The following TEKT5 variants were observed in gnomAD, a reference collection of about 807,000 sequenced individuals.
TEKT5 encodes tektin 5, also known as tektin-5.
A neutral mutation model predicts 48.7 loss-of-function variants in TEKT5; 52 were observed. That is an observed-to-expected ratio of 1.07 (90% CI 0.86 to 1.35). The LOEUF is 1.35. Ranked by LOEUF, TEKT5 falls within the 40% of genes most tolerant of loss-of-function variation. TEKT5 has a pLI of 0.00. For synonymous variants in TEKT5, 318 were observed against 267.6 expected, an observed-to-expected ratio of 1.19 and a Z score of -1.84; for missense variants, 831 against 641.6, an observed-to-expected ratio of 1.30 and a Z score of -3.19.
intron 5 of TEKT5, among the ~76,000 whole-genome samples, chr16:10,644,691 G>A (rs1898044172): frequency 6.6e-6 from 1 of 152,198 alleles, no homozygotes; most frequent in African/African-American, 2.4e-5. Flanking sequence ...CAGGGGCTGT[G>A]TTTTGTTCAC....
At position 10,675,955 on chromosome 16, in the gene TEKT5, T is replaced by A; in HGVS notation, c.1086+4A>T. ...AGGCAGGGGTCCTGGGAGGATCTGC[T>A]CACCTTCGCCAGCTGCGTCTGCAGC... On this transcript the variant is annotated splice_donor_region_variant and intron_variant, in intron 5 of 6. Transcript: ENST00000283025. The A allele has an allele frequency of 6.2e-7, 1 of 1,614,070 alleles. No homozygotes were observed. The highest frequency in any genetic ancestry group is 8.5e-7 in the Non-Finnish European group (1 of 1,179,980).
In TEKT5 at chr16:10,628,370, G is replaced by A. The variant is rs1159708664; in HGVS notation, c.1242-571C>T. Among the ~76,000 whole-genome samples, 4 of 152,210 alleles carry A rather than the reference G, an allele frequency of 2.6e-5. No homozygotes were observed. The East Asian group carries it at 5.8e-4, about 22-fold the overall frequency. On this transcript the variant is annotated intron_variant, in intron 6 of 6. Transcript: ENST00000283025. ...AAACAGGATAGGAGACCAATCTGGA[G>A]ATTCCTCGATAAGTTAGACATAGAC...
In TEKT5 at chr16:10,694,882, A is replaced by G; in HGVS notation, c.-9T>C. The G allele has an allele frequency of 1.3e-6, 2 of 1,533,942 alleles. No individual in the cohort carries two copies. The highest frequency in any genetic ancestry group is 1.7e-6 in the Non-Finnish European group (2 of 1,146,152). On this transcript the variant is annotated 5_prime_UTR_variant, in exon 1 of 7. The change abolishes an upstream ATG in the 5' untranslated region. Transcript: ENST00000283025. The stretch of plus-strand genomic sequence containing the variant: ...GTCCCAAGAAACTCCATCCTCCCTC[A>G]TGAGCCCCACTCGGGCAAAACTCAG...
chr16:10,669,867 G>T (rs1898523881), intron 5 of TEKT5, among the ~76,000 whole-genome samples: 1 of 152,154 alleles, frequency 6.6e-6, no homozygotes, highest in Admixed American at 6.5e-5. Flanking sequence ...CCACTCTGTG[G>T]CCACCAACTT....
chr16:10,673,135 A>G (rs577786768), intron 5 of TEKT5, among the ~76,000 whole-genome samples: 1 of 152,338 alleles, frequency 6.6e-6, no homozygotes, highest in South Asian at 2.1e-4. Flanking sequence ...TGGAAGGAGC[A>G]ATGAAAACAC....
At chr16:10,689,155 C>G in intron 3 of TEKT5, 98 bp downstream of exon 3, 1 of 919,226 alleles carries the variant, frequency 1.1e-6, no homozygotes, top group South Asian at 1.6e-5. Context: ...AAAGAACCAC[C>G]CAGAGACAAG....
Position 10,662,425 on chromosome 16 carries a change from G to A in TEKT5, c.1086+13534C>T, listed in dbSNP as rs559917004. Among the ~76,000 whole-genome samples, 48 of 152,270 alleles carry A rather than the reference G, an allele frequency of 3.2e-4. No individual in the cohort carries two copies. In the South Asian group the frequency reaches 5.4e-3, roughly 17 times the overall value. ...CCTAAGTCAGCAACAACGAGGAGGC[G>A]GCCCCAGGTTGGGGAGAACAATTGT... On this transcript the variant is annotated intron_variant, in intron 5 of 6. Coordinates refer to ENST00000283025, the MANE Select transcript of TEKT5 (RefSeq NM_144674.2).
At chr16:10,679,439 G>T (rs1898706194) in intron 4 of TEKT5, among the ~76,000 whole-genome samples, 1 of 147,576 alleles carries the variant, frequency 6.8e-6, no homozygotes, top group East Asian at 2.0e-4. Flanking sequence ...CCTGGTGACA[G>T]AGCGAGACTC....
intron 5 of TEKT5, among the ~76,000 whole-genome samples, chr16:10,657,426 C>A (rs1181168926): frequency 6.6e-6 from 1 of 152,062 alleles, no homozygotes; most frequent in Non-Finnish European, 1.5e-5. Flanking sequence ...CCATGCCCGG[C>A]CTAGAGCTGC....
chr16:10,694,648 T>G lies in TEKT5; in HGVS notation c.226A>C (p.Thr76Pro). 6.2e-7 allele frequency: 1 copy of G among 1,612,972 alleles called. No individual in the cohort carries two copies. Among genetic ancestry groups the G allele is most frequent in the Non-Finnish European group, 8.5e-7 (1 of 1,179,422 alleles). The change falls in exon 1 of 7, where the codon ACC becomes CCC. Residue 76 changes from threonine (T) to proline (P), a missense_variant. Coordinates refer to ENST00000283025, the MANE Select transcript of TEKT5 (RefSeq NM_144674.2). The part of the protein sequence containing the change: ...DESTSTLRPP[T>P]ILPTLRSALF... The stretch of plus-strand genomic sequence containing the variant: ...GCGGAGCGCAGTGTGGGCAGGATGG[T>G]GGGCGGCCGCAGGGTACTGGTGCTC...
At position 10,671,378 on chromosome 16, in the gene TEKT5, C is replaced by T. The variant is rs574055959; in HGVS notation, c.1086+4581G>A. On this transcript the variant is annotated intron_variant, in intron 5 of 6. Coordinates refer to ENST00000283025, the MANE Select transcript of TEKT5 (RefSeq NM_144674.2). Reference sequence around the variant, plus strand: ...AGATGCACAAGAGCCAAAAGATGGACGCCACCAAGTCTCCATAAATGGATG... The same window carrying T: ...AGATGCACAAGAGCCAAAAGATGGATGCCACCAAGTCTCCATAAATGGATG... Among the ~76,000 whole-genome samples the T allele has an allele frequency of 1.2e-3, 187 of 152,226 alleles. 2 individuals carry two copies. In the South Asian group the frequency reaches 0.016, roughly 13 times the overall value.
chr16:10,685,225 C>T (rs891035011), intron 3 of TEKT5, among the ~76,000 whole-genome samples: 5 of 152,210 alleles, frequency 3.3e-5, no homozygotes, highest in African/African-American at 4.8e-5. Context: ...TGCTTTCTCT[C>T]TCTCCTGCTG....
chr16:10,636,008 G>T (rs868015261), intron 5 of TEKT5, 90 bp from the exon 6 acceptor site: 6 of 1,549,528 alleles, frequency 3.9e-6, no homozygotes, highest in South Asian at 2.4e-5. Context: ...AGCTAGGTCA[G>T]CCTCCAGCCA....
In TEKT5 at chr16:10,636,591, G is replaced by C. The variant is rs773534218; in HGVS notation, c.1087-673C>G. On this transcript the variant is annotated intron_variant, in intron 5 of 6. Coordinates refer to ENST00000283025, the MANE Select transcript of TEKT5 (RefSeq NM_144674.2). ...GAGAGGAAGGGAAGGAGGAAGGCAG[G>C]CCTTTCAGATTGACAGAGACTGTTA... Among the ~76,000 whole-genome samples, 56 of 151,780 alleles carry C rather than the reference G, an allele frequency of 3.7e-4. 1 individual carries two copies. The highest frequency in any genetic ancestry group is 3.2e-3 in the Middle Eastern group (1 of 316).
At position 10,689,855 on chromosome 16, in the gene TEKT5, C is replaced by T. The variant is rs1440342884; in HGVS notation, c.648+87G>A. ...CACACAGTGACACGTGTGGCTTCTG[C>T]TCCTGACAGGTAGCTCAGTAATTTC... On this transcript the variant is annotated intron_variant, in intron 2 of 6. Coordinates refer to ENST00000283025, the MANE Select transcript of TEKT5 (RefSeq NM_144674.2). 6.0e-6 allele frequency: 8 copies of T among 1,338,000 alleles called. No homozygotes were observed. The African/African-American group carries it at 8.6e-5, about 14-fold the overall frequency. The allele number at this position is 1,338,000 out of a possible 1,614,324, so 82.9% of individuals were successfully genotyped here.
Position 10,693,539 on chromosome 16 carries a change from C to G in TEKT5, c.564+771G>C, listed in dbSNP as rs573195242. On this transcript the variant is annotated intron_variant, in intron 1 of 6. Transcript: ENST00000283025. Reference sequence around the variant, plus strand: ...CGACATTGGTCACTACGGACCCACACAGACATACAGGTGCCCTGCACTGAA... The same window carrying G: ...CGACATTGGTCACTACGGACCCACAGAGACATACAGGTGCCCTGCACTGAA... 1.0e-3 allele frequency among the ~76,000 whole-genome samples: 159 copies of G among 152,384 alleles called. 1 individual carries two copies. The highest frequency in any genetic ancestry group is 1.9e-3 in the South Asian group (9 of 4,830).
chr16:10,667,578 G>T (rs1474435026), intron 5 of TEKT5, among the ~76,000 whole-genome samples: 1 of 152,084 alleles, frequency 6.6e-6, no homozygotes, highest in Non-Finnish European at 1.5e-5. Context: ...TGGTTCAGGG[G>T]GCTGCCCAAT....
chr16:10,687,683 G>A (rs1215859125), intron 3 of TEKT5, among the ~76,000 whole-genome samples: 1 of 152,266 alleles, frequency 6.6e-6, no homozygotes, highest in Non-Finnish European at 1.5e-5. Context: ...AATCTGGGAG[G>A]TGGAGGTTGC....
At chr16:10,661,804 TCAC>T (rs375477245) in intron 5 of TEKT5, among the ~76,000 whole-genome samples, 1 of 152,046 alleles carries the variant, frequency 6.6e-6, no homozygotes, top group African/African-American at 2.4e-5. Context: ...CCTTGGCAAA[TCAC>T]CAAACCTCTG....
Sources: allele counts gnomAD v4.1 joint callset (sites outside exome capture counted in the v4.1 genomes callset), GRCh38; gene constraint gnomAD v4.1.1; transcripts MANE v1.5; gene names NCBI Gene and HGNC (gene_info 2026-07-23, HGNC 2026-07-21).